Variants in SI observed in about 807,000 individuals in gnomAD.
SI encodes the protein sucrase-isomaltase, intestinal.
Under a neutral mutation model 253.3 loss-of-function variants are expected in SI, and 235 were observed. That is an observed-to-expected ratio of 0.93 (90% confidence interval 0.83 to 1.03). The LOEUF (loss-of-function observed/expected upper bound fraction) is 1.03. Among genes scored for constraint, SI ranks in the 50% least tolerant of loss-of-function variants. SI has a pLI of 0.00. For synonymous variants in SI, 819 were observed against 712.0 expected, an observed-to-expected ratio of 1.15 and a Z score of -2.39; for missense variants, 2,442 against 2,211.1, an observed-to-expected ratio of 1.10 and a Z score of -2.09.
intron 26 of SI, among the ~76,000 whole-genome samples, chr3:165,022,707 G>GA (rs1381469954): frequency 2.0e-5 from 3 of 151,470 alleles, no homozygotes; most frequent in Non-Finnish European, 4.4e-5. Context: ...TTAATTGTAT[G>GA]AATTTTTATT....
chr3:165,022,882 C>T (rs1711701453), intron 26 of SI, among the ~76,000 whole-genome samples: 1 of 151,550 alleles, frequency 6.6e-6, no homozygotes, highest in African/African-American at 2.4e-5. Flanking sequence ...ATATCGTTTA[C>T]TCTTATTTAT....
chr3:165,020,891 A>T (rs1295152216), intron 27 of SI, among the ~76,000 whole-genome samples: 1 of 151,656 alleles, frequency 6.6e-6, no homozygotes, highest in African/African-American at 2.4e-5. Flanking sequence ...TAAAATATTT[A>T]CTTCACTTGT....
At chr3:165,065,733 A>T (rs920328721) in intron 6 of SI, among the ~76,000 whole-genome samples, 1 of 151,558 alleles carries the variant, frequency 6.6e-6, no homozygotes. Flanking sequence ...ACAAACTGGG[A>T]TAATTAATTG....
chr3:165,043,027 A>T (rs772926482), intron 17 of SI, 32 bp downstream of exon 17: 1 of 1,296,562 alleles, frequency 7.7e-7, no homozygotes, highest in Non-Finnish European at 1.1e-6. Context: ...GTTGTTTTTT[A>T]TTTCGCAACA....
At position 165,036,385 on chromosome 3, in the gene SI, T is replaced by G. The variant is rs373420634; in HGVS notation, c.2515+4A>C. 8.1e-6 allele frequency: 13 copies of G among 1,600,140 alleles called. No individual in the cohort carries two copies. The highest frequency in any genetic ancestry group is 1.1e-5 in the Non-Finnish European group (13 of 1,167,994). On this transcript the variant is annotated splice_donor_region_variant and intron_variant, in intron 22 of 47. Coordinates refer to ENST00000264382, the MANE Select transcript of SI (RefSeq NM_001041.4). The stretch of plus-strand genomic sequence containing the variant: ...CATTTAAAGCGTATTACTTTCAGAC[T>G]TACCTTTAGTTTCTCCATCATCCCA...
At chr3:164,979,885 A>G (rs1717098306) in intron 47 of SI, among the ~76,000 whole-genome samples, 1 of 151,860 alleles carries the variant, frequency 6.6e-6, no homozygotes, top group Admixed American at 6.6e-5. Flanking sequence ...TTTATTGCCA[A>G]TGATTCAATT....
In SI at chr3:165,059,885, C is replaced by T. The variant is rs749443121; in HGVS notation, c.1146+17G>A. 3 of 1,609,184 alleles carry T rather than the reference C, an allele frequency of 1.9e-6. No homozygotes were observed. The highest frequency in any genetic ancestry group is 2.6e-6 in the Non-Finnish European group (3 of 1,176,380). ...TTAACTTGATATATATTCCCACGGA[C>T]CCTTTATTCTACTTACAAATGGTAT... On this transcript the variant is annotated intron_variant, in intron 10 of 47. Coordinates refer to ENST00000264382, the MANE Select transcript of SI (RefSeq NM_001041.4).
upstream of SI, among the ~76,000 whole-genome samples, chr3:165,081,997 A>T (rs886421477): frequency 1.3e-5 from 2 of 152,010 alleles, no homozygotes; most frequent in Admixed American, 6.6e-5. Flanking sequence ...TTACACACAG[A>T]TGCATAGATA....
At chr3:165,024,010 G>A (rs2108189049) in intron 25 of SI, among the ~76,000 whole-genome samples, 1 of 151,408 alleles carries the variant, frequency 6.6e-6, no homozygotes, top group South Asian at 2.1e-4. Context: ...TAGAGCAGAA[G>A]GATCAAATGT....
intron 22 of SI, among the ~76,000 whole-genome samples, chr3:165,034,485 A>G (rs1712419503): frequency 6.6e-6 from 1 of 151,928 alleles, no homozygotes; most frequent in African/African-American, 2.4e-5. Context: ...TGTTAAGTTC[A>G]GCTGAAATCC....
intron 3 of SI, chr3:165,074,281 A>G (rs2108113651): frequency 4.8e-6 from 1 of 209,742 alleles, no homozygotes; most frequent in East Asian, 1.1e-4. Flanking sequence ...GAAGATTTGT[A>G]AAATTAACTA....
In SI at chr3:164,996,465, T is replaced by C. The variant is rs552241113; in HGVS notation, c.4692+70A>G. On this transcript the variant is annotated intron_variant, in intron 40 of 47. Coordinates refer to ENST00000264382, the MANE Select transcript of SI (RefSeq NM_001041.4). ...ATAAATATACCAGCTAACCAAGCCA[T>C]GTACACTAAAGTATAATGAAGCATA... The C allele has an allele frequency of 4.5e-6, 4 of 895,780 alleles. No homozygotes were observed. In the African/African-American group the frequency reaches 4.9e-5, roughly 11 times the overall value. 55.5% of individuals were successfully genotyped at this position (895,780 alleles called of 1,614,324 possible).
the SI span, among the ~76,000 whole-genome samples, chr3:165,089,515 G>A: frequency 0.6 from 90,649 of 152,014 alleles, 27,256 homozygotes; most frequent in East Asian, 0.81. Context: ...TAGAGATTCT[G>A]AGGGTGGGGA....
chr3:164,988,519 T>A (rs1717550682), intron 44 of SI, among the ~76,000 whole-genome samples: 1 of 152,204 alleles, frequency 6.6e-6, no homozygotes, highest in African/African-American at 2.4e-5. Flanking sequence ...AATGGTCTCC[T>A]CCATGAAGCC....
At chr3:165,086,162 G>A in the SI span, among the ~76,000 whole-genome samples, 1 of 152,070 alleles carries the variant, frequency 6.6e-6, no homozygotes, top group Admixed American at 6.6e-5. Context: ...GCTGAGGCAG[G>A]AGAATTGCTT....
chr3:165,015,466 A>T (rs950649217), intron 32 of SI, among the ~76,000 whole-genome samples: 4 of 152,096 alleles, frequency 2.6e-5, no homozygotes, highest in African/African-American at 9.7e-5. Flanking sequence ...AAAGATTAGT[A>T]GAGGTTTTTA....
intron 20 of SI, among the ~76,000 whole-genome samples, chr3:165,038,497 C>G (rs1576901976): frequency 6.7e-6 from 1 of 149,704 alleles, no homozygotes; most frequent in Non-Finnish European, 1.5e-5. Flanking sequence ...ATCACAAGGT[C>G]AGGAGATCGA....
chr3:165,030,622 G>T, intron 25 of SI, 90 bp downstream of exon 25: 1 of 1,326,552 alleles, frequency 7.5e-7, no homozygotes, highest in Non-Finnish European at 1.1e-6. Context: ...TAGTTTATAT[G>T]CTGCAGATTT....
intron 9 of SI, 146 bp from the exon 10 acceptor site, chr3:165,060,173 G>T: frequency 1.4e-6 from 1 of 697,822 alleles, no homozygotes; most frequent in Non-Finnish European, 2.3e-6. Context: ...GTGTTACCTG[G>T]ATTCTAAACA....
Sources: allele counts gnomAD v4.1 joint callset (sites outside exome capture counted in the v4.1 genomes callset), GRCh38; gene constraint gnomAD v4.1.1; transcripts MANE v1.5; gene names NCBI Gene and HGNC (gene_info 2026-07-23, HGNC 2026-07-21).